Variants in GALNT13 observed in about 807,000 individuals in gnomAD.
The protein encoded by GALNT13 is UDP-GalNAc:polypeptide N-acetylgalactosaminyltransferase 13.
In GALNT13, 28 loss-of-function variants were observed where a neutral mutation model predicts 64.2. That is an observed-to-expected ratio of 0.44 (90% CI 0.32 to 0.60). The LOEUF is 0.60. GALNT13 is among the 20% of genes least tolerant of loss of function. The probability of loss-of-function intolerance (pLI) is 0.05; values close to 1 mark genes in which losing one functional copy is unlikely to be tolerated. For synonymous variants in GALNT13, 214 were observed against 224.6 expected, an observed-to-expected ratio of 0.95 and a Z score of 0.42; for missense variants, 577 against 669.8, an observed-to-expected ratio of 0.86 and a Z score of 1.53.
chr2:154,174,991 CTT>C (rs1446804308), intron 4 of GALNT13, among the ~76,000 whole-genome samples: 1 of 152,108 alleles, frequency 6.6e-6, no homozygotes, highest in Admixed American at 6.6e-5. Context: ...CTTATGAAAA[CTT>C]GAGCTGATAT....
intron 3 of GALNT13, among the ~76,000 whole-genome samples, chr2:154,031,328 GAGA>G (rs1179235710): frequency 2.0e-5 from 3 of 151,822 alleles, no homozygotes; most frequent in South Asian, 4.1e-4. Flanking sequence ...ATCAAAAAAA[GAGA>G]AGAAGAGGAA....
intron 4 of GALNT13, among the ~76,000 whole-genome samples, chr2:154,145,070 C>CTCTCTCTCTCTCTATCTA (rs1197890145): frequency 7.3e-6 from 1 of 136,234 alleles, no homozygotes; most frequent in African/African-American, 2.8e-5. Flanking sequence ...CTCTCTCTCT[C>CTCTCTCTCTCTCTATCTA]TCTATCTATC....
chr2:153,777,485 T>A, the GALNT13 span, among the ~76,000 whole-genome samples: 2 of 152,196 alleles, frequency 1.3e-5, no homozygotes, highest in Admixed American at 1.3e-4. Context: ...GATCAGGTCA[T>A]GAGGCCTCCA....
chr2:153,416,869 C>G, the GALNT13 span, among the ~76,000 whole-genome samples: 2 of 152,160 alleles, frequency 1.3e-5, no homozygotes, highest in Non-Finnish European at 2.9e-5. Flanking sequence ...TTTGTAGCAC[C>G]TGAATCCTGA....
chr2:154,280,024 G>A (rs1033858354), intron 8 of GALNT13, among the ~76,000 whole-genome samples: 1 of 151,938 alleles, frequency 6.6e-6, no homozygotes, highest in African/African-American at 2.4e-5. Flanking sequence ...ATGCCCCCTA[G>A]GGAAAGTACT....
the GALNT13 span, among the ~76,000 whole-genome samples, chr2:153,523,376 C>T: frequency 5.2e-3 from 787 of 152,220 alleles, 8 homozygotes; most frequent in African/African-American, 0.019. Context: ...GGAATTTTGA[C>T]TGGAATTGCA....
At chr2:153,630,789 ATATATATATATATATATATTTT>A in the GALNT13 span, among the ~76,000 whole-genome samples, 54 of 12,384 alleles carry the variant, frequency 4.4e-3, 2 homozygotes, top group Middle Eastern at 0.033. Flanking sequence ...ATATATATAT[ATATATATATATATATATATTTT>A]TTTTTTTTTT....
intron 4 of GALNT13, among the ~76,000 whole-genome samples, chr2:154,175,093 G>A (rs970484949): frequency 2.0e-5 from 3 of 151,918 alleles, no homozygotes; most frequent in Non-Finnish European, 4.4e-5. Flanking sequence ...TTGATTAGAC[G>A]GGTTATAAAT....
At chr2:153,216,721 T>A in the GALNT13 span, among the ~76,000 whole-genome samples, 1 of 152,080 alleles carries the variant, frequency 6.6e-6, no homozygotes, top group African/African-American at 2.4e-5. Flanking sequence ...GGTTTTTGAT[T>A]TGTAAATATT....
At chr2:153,104,581 T>G in the GALNT13 span, among the ~76,000 whole-genome samples, 339 of 152,314 alleles carry the variant, frequency 2.2e-3, 2 homozygotes, top group African/African-American at 8.0e-3. Flanking sequence ...TTGAGGCCCC[T>G]GCTTTATCTG....
chr2:154,200,824 A>G (rs910270266), intron 4 of GALNT13, among the ~76,000 whole-genome samples: 5 of 152,152 alleles, frequency 3.3e-5, no homozygotes, highest in African/African-American at 1.2e-4. Flanking sequence ...TGACTATGGC[A>G]GAGATTAAGC....
the GALNT13 span, among the ~76,000 whole-genome samples, chr2:153,697,278 AAGAT>A: frequency 6.6e-6 from 1 of 152,156 alleles, no homozygotes; most frequent in Admixed American, 6.5e-5. Context: ...TCTGCTTTAT[AAGAT>A]GTTTAGTCTA....
chr2:153,240,538 C>T, the GALNT13 span, among the ~76,000 whole-genome samples: 2 of 152,096 alleles, frequency 1.3e-5, no homozygotes, highest in Admixed American at 6.5e-5. Context: ...TGGGGGCTCA[C>T]TCTGATACTG....
chr2:153,843,266 T>C, the GALNT13 span, among the ~76,000 whole-genome samples: 1 of 152,174 alleles, frequency 6.6e-6, no homozygotes, highest in Non-Finnish European at 1.5e-5. Flanking sequence ...CTTACAATAA[T>C]GGCAGAAGGT....
the GALNT13 span, among the ~76,000 whole-genome samples, chr2:153,206,322 C>T: frequency 7.9e-5 from 12 of 152,196 alleles, no homozygotes; most frequent in South Asian, 2.1e-4. Flanking sequence ...ACTGCTTGTT[C>T]AGGCCCTTCT....
intron 4 of GALNT13, among the ~76,000 whole-genome samples, chr2:154,182,589 T>C (rs745674684): frequency 1.3e-4 from 19 of 150,414 alleles, no homozygotes; most frequent in Non-Finnish European, 1.6e-4. Flanking sequence ...ACTAATTTTA[T>C]CTGTTTTATA....
intron 3 of GALNT13, among the ~76,000 whole-genome samples, chr2:154,049,418 A>T (rs1699460337): frequency 6.8e-6 from 1 of 147,752 alleles, no homozygotes; most frequent in Non-Finnish European, 1.5e-5. Flanking sequence ...GAATATATGG[A>T]TATAATGGTA....
chr2:153,295,203 T>C, the GALNT13 span, among the ~76,000 whole-genome samples: 1 of 152,146 alleles, frequency 6.6e-6, no homozygotes, highest in Non-Finnish European at 1.5e-5. Context: ...AGAGTCTCAA[T>C]ATCAAATGAC....
chr2:154,201,051 T>C (rs962170870), intron 4 of GALNT13, among the ~76,000 whole-genome samples: 1 of 152,170 alleles, frequency 6.6e-6, no homozygotes, highest in Non-Finnish European at 1.5e-5. Flanking sequence ...TATATGTATA[T>C]GTGTGTGTAG....
Sources: allele counts gnomAD v4.1 joint callset (sites outside exome capture counted in the v4.1 genomes callset), GRCh38; gene constraint gnomAD v4.1.1; transcripts MANE v1.5; gene names NCBI Gene and HGNC (gene_info 2026-07-23, HGNC 2026-07-21).